LRRC4C: variants seen among roughly 807,000 people sequenced by gnomAD.
LRRC4C encodes leucine rich repeat containing 4C.
LRRC4C carries 5 observed loss-of-function variants against 33.6 expected under a neutral mutation model. The observed-to-expected ratio is 0.15, with a 90% CI of 0.08 to 0.31. The LOEUF (loss-of-function observed/expected upper bound fraction) is 0.31, where lower values mean the gene tolerates loss of function less well. LRRC4C is among the 10% of genes least tolerant of loss of function. The probability of loss-of-function intolerance (pLI) is 1.00; values close to 1 mark genes in which losing one functional copy is unlikely to be tolerated. For missense variants in LRRC4C, 560 were observed against 796.7 expected (o/e 0.70, Z 3.58); for synonymous variants, 329 against 302.0 (o/e 1.09, Z -0.93).
chr11:40,423,756 C>A (rs1245477123), intron 3 of LRRC4C, among the ~76,000 whole-genome samples: 2 of 152,100 alleles, frequency 1.3e-5, no homozygotes, highest in Admixed American at 1.3e-4. Context: ...AATGTTGGAA[C>A]TACACTCATT....
chr11:40,831,526 G>A (rs530154379), intron 2 of LRRC4C, among the ~76,000 whole-genome samples: 1 of 152,136 alleles, frequency 6.6e-6, no homozygotes, highest in Non-Finnish European at 1.5e-5. Context: ...TTCTTAAAAT[G>A]TAATTCAATA....
intron 1 of LRRC4C, among the ~76,000 whole-genome samples, chr11:41,048,498 C>T (rs908343711): frequency 2.6e-5 from 4 of 151,910 alleles, no homozygotes; most frequent in Admixed American, 2.0e-4. Context: ...CTCCTGACCT[C>T]GTGATCCACC....
chr11:40,595,441 C>T (rs936245620), intron 3 of LRRC4C, among the ~76,000 whole-genome samples: 1 of 152,034 alleles, frequency 6.6e-6, no homozygotes, highest in Non-Finnish European at 1.5e-5. Context: ...GCCCAGTAGT[C>T]CAAATCATTC....
At chr11:40,594,947 C>T (rs1161378033) in intron 3 of LRRC4C, among the ~76,000 whole-genome samples, 1 of 151,958 alleles carries the variant, frequency 6.6e-6, no homozygotes, top group African/African-American at 2.4e-5. Flanking sequence ...ACAGATATAA[C>T]ACAAAAAGAT....
At chr11:40,153,640 A>G (rs916331186) in intron 5 of LRRC4C, among the ~76,000 whole-genome samples, 1 of 152,152 alleles carries the variant, frequency 6.6e-6, no homozygotes, top group Non-Finnish European at 1.5e-5. Context: ...TTTAGAAATG[A>G]AAAATGCTCT....
chr11:41,330,255 T>G (rs2137362578), intron 1 of LRRC4C, among the ~76,000 whole-genome samples: 1 of 152,312 alleles, frequency 6.6e-6, no homozygotes, highest in Admixed American at 6.5e-5. Flanking sequence ...ACATATCTTT[T>G]TTGTTACAAA....
At chr11:40,243,686 T>A (rs938802711) in intron 4 of LRRC4C, among the ~76,000 whole-genome samples, 1 of 144,428 alleles carries the variant, frequency 6.9e-6, no homozygotes, top group Non-Finnish European at 1.5e-5. Flanking sequence ...AAAACTTATA[T>A]CTTTTTTTTT....
intron 5 of LRRC4C, among the ~76,000 whole-genome samples, chr11:40,189,668 A>G (rs1487596324): frequency 1.3e-5 from 2 of 152,244 alleles, no homozygotes; most frequent in Non-Finnish European, 2.9e-5. Flanking sequence ...AAAAGAGATG[A>G]TGAATGTAGT....
chr11:41,102,360 A>G (rs1466687357), intron 1 of LRRC4C, among the ~76,000 whole-genome samples: 1 of 152,098 alleles, frequency 6.6e-6, no homozygotes, highest in Non-Finnish European at 1.5e-5. Flanking sequence ...CTGGTGGCTT[A>G]ATTTACACAG....
At chr11:41,287,048 T>A (rs1949851058) in intron 1 of LRRC4C, among the ~76,000 whole-genome samples, 2 of 152,176 alleles carry the variant, frequency 1.3e-5, no homozygotes, top group Admixed American at 1.3e-4. Context: ...ATAGTGCTAG[T>A]TGATATTTTA....
chr11:40,272,963 G>A (rs957275360), intron 4 of LRRC4C, among the ~76,000 whole-genome samples: 17 of 147,024 alleles, frequency 1.2e-4, no homozygotes, highest in African/African-American at 3.2e-4. Context: ...GACTTAAGAC[G>A]CTAATTTATA....
chr11:40,285,185 A>G (rs546344347), intron 4 of LRRC4C, among the ~76,000 whole-genome samples: 1 of 152,318 alleles, frequency 6.6e-6, no homozygotes, highest in South Asian at 2.1e-4. Context: ...TTCCTCTCTC[A>G]AAAAACCCCC....
chr11:40,296,831 A>G (rs1482745675), intron 4 of LRRC4C, among the ~76,000 whole-genome samples: 1 of 152,228 alleles, frequency 6.6e-6, no homozygotes, highest in Non-Finnish European at 1.5e-5. Context: ...TTTCAGAAGA[A>G]ATAATATTAC....
chr11:40,797,291 G>A (rs1260629272), intron 2 of LRRC4C, among the ~76,000 whole-genome samples: 1 of 152,084 alleles, frequency 6.6e-6, no homozygotes, highest in African/African-American at 2.4e-5. Context: ...AGTAGGCAAT[G>A]AGCTCAAATG....
At chr11:40,226,667 T>A (rs146541794) in intron 5 of LRRC4C, among the ~76,000 whole-genome samples, 8 of 152,272 alleles carry the variant, frequency 5.3e-5, no homozygotes, top group African/African-American at 1.9e-4. Context: ...GTCTAAGAAA[T>A]CTGAGTTCTG....
intron 2 of LRRC4C, among the ~76,000 whole-genome samples, chr11:40,920,382 T>C (rs1044652429): frequency 1.3e-5 from 2 of 152,120 alleles, no homozygotes; most frequent in African/African-American, 4.8e-5. Context: ...AGTGAAGACA[T>C]TAAATAAAAG....
chr11:41,368,360 C>T (rs1336886587), intron 1 of LRRC4C, among the ~76,000 whole-genome samples: 1 of 152,210 alleles, frequency 6.6e-6, no homozygotes, highest in Non-Finnish European at 1.5e-5. Context: ...CCATGTTTCT[C>T]ATTCCCACAA....
chr11:41,212,066 A>G (rs1706878098), intron 1 of LRRC4C, among the ~76,000 whole-genome samples: 1 of 152,230 alleles, frequency 6.6e-6, no homozygotes, highest in South Asian at 2.1e-4. Context: ...TTTAAGATGT[A>G]TACAAAGTGT....
In LRRC4C at chr11:40,839,976, A is replaced by T. The variant is rs76488335; in HGVS notation, c.-407+93659T>A. 8.3e-3 allele frequency among the ~76,000 whole-genome samples: 1,261 copies of T among 152,306 alleles called. 15 individuals are homozygous for T. Among genetic ancestry groups the T allele is most frequent in the Non-Finnish European group, 0.013 (918 of 68,018 alleles). On this transcript the variant is annotated intron_variant, in intron 2 of 6. Transcript: ENST00000528697. ...TGATATTTTAAAGAAGTATACTATA[A>T]TTCATTTTTTCCCAATCTGATAGTC...
Sources: allele counts gnomAD v4.1 joint callset (sites outside exome capture counted in the v4.1 genomes callset), GRCh38; gene constraint gnomAD v4.1.1; transcripts MANE v1.5; gene names NCBI Gene and HGNC (gene_info 2026-07-23, HGNC 2026-07-21).